The following PDE11A variants were observed in gnomAD, a reference collection of about 807,000 sequenced individuals.
PDE11A encodes phosphodiesterase 11A.
In PDE11A, 100 loss-of-function variants were observed where a neutral mutation model predicts 100.5. The ratio of observed to expected loss-of-function variants is 1.00; its 90% confidence interval spans 0.85 to 1.18. PDE11A has a LOEUF of 1.18. PDE11A is among the 50% of genes most tolerant of loss of function. The pLI, the probability that PDE11A is intolerant of heterozygous loss-of-function variation, is 0.00. For synonymous variants in PDE11A, 381 were observed against 420.8 expected, an observed-to-expected ratio of 0.91 and a Z score of 1.16; for missense variants, 1,141 against 1,152.6, an observed-to-expected ratio of 0.99 and a Z score of 0.15.
In PDE11A at chr2:177,871,525, A is replaced by AATTATT. The variant is rs142275376; in HGVS notation, c.1367+4328_1367+4333dup. ...TGGAAGAAATGATGAGTCAGTAGTA[A>AATTATT]ATTATTATTATTATTATTATTATTA... is the stretch of plus-strand genomic sequence containing the variant. On this transcript the variant is annotated intron_variant, in intron 5 of 19. Transcript: ENST00000286063. Among the ~76,000 whole-genome samples, 530 of 138,248 alleles carry AATTATT rather than the reference A, an allele frequency of 3.8e-3. 1 individual carries two copies. Among genetic ancestry groups the AATTATT allele is most frequent in the East Asian group, 9.2e-3 (44 of 4,806 alleles). The allele number at this position is 138,248 out of a possible 152,430, so 90.7% of individuals were successfully genotyped here. A position where few individuals can be genotyped will look rare whatever the true frequency, so the allele number is the denominator to read the frequency against.
chr2:177,670,455 T>C (rs1054556922), intron 17 of PDE11A, among the ~76,000 whole-genome samples: 3 of 148,752 alleles, frequency 2.0e-5, no homozygotes, highest in African/African-American at 7.3e-5. Flanking sequence ...ACAGATTAAA[T>C]GTTGAATGGC....
chr2:177,972,242 A>C (rs1468311119), intron 2 of PDE11A, among the ~76,000 whole-genome samples: 1 of 152,244 alleles, frequency 6.6e-6, no homozygotes, highest in Non-Finnish European at 1.5e-5. Context: ...AAGGGCATGC[A>C]GGAAAGAGAA....
intron 2 of PDE11A, among the ~76,000 whole-genome samples, chr2:177,958,524 C>T (rs2085593586): frequency 6.6e-6 from 1 of 152,068 alleles, no homozygotes; most frequent in African/African-American, 2.4e-5. Flanking sequence ...TCCCTTGTAA[C>T]CTTAAAGAGA....
At chr2:178,106,957 C>CA (rs575714643) in intron 1 of PDE11A, among the ~76,000 whole-genome samples, 20,941 of 60,422 alleles carry the variant, frequency 0.35, 2,586 homozygotes, top group African/African-American at 0.36. Context: ...AAGACTCTCT[C>CA]AAAAAAAAAA....
At chr2:177,864,110 A>C (rs2083990361) in intron 5 of PDE11A, among the ~76,000 whole-genome samples, 1 of 152,174 alleles carries the variant, frequency 6.6e-6, no homozygotes, top group Non-Finnish European at 1.5e-5. Flanking sequence ...CAGAAAGAAA[A>C]ATATTGCATA....
intron 13 of PDE11A, chr2:177,702,753 C>T (rs1343405211): frequency 5.9e-5 from 9 of 151,938 alleles, no homozygotes; most frequent in African/African-American, 1.7e-4. Flanking sequence ...GGATTAGGTT[C>T]GGTAGGAATT....
At chr2:177,735,570 A>G (rs1424583964) in intron 10 of PDE11A, among the ~76,000 whole-genome samples, 1 of 152,206 alleles carries the variant, frequency 6.6e-6, no homozygotes, top group Non-Finnish European at 1.5e-5. Context: ...ACAGCACTAC[A>G]GAGTAGAGTT....
intron 2 of PDE11A, among the ~76,000 whole-genome samples, chr2:177,984,851 T>G (rs1262216571): frequency 6.6e-6 from 1 of 152,182 alleles, no homozygotes; most frequent in Non-Finnish European, 1.5e-5. Context: ...CTACCAAAGC[T>G]CCCAGCTCGC....
At chr2:177,987,342 A>T (rs1291725882) in intron 2 of PDE11A, among the ~76,000 whole-genome samples, 4 of 152,222 alleles carry the variant, frequency 2.6e-5, no homozygotes, top group Non-Finnish European at 5.9e-5. Context: ...TTGCTAAATC[A>T]AGTATTTTTC....
intron 5 of PDE11A, among the ~76,000 whole-genome samples, chr2:177,841,409 CATGAG>C (rs1180354311): frequency 6.6e-6 from 1 of 152,214 alleles, no homozygotes; most frequent in Admixed American, 6.5e-5. Flanking sequence ...CCCTGGATTT[CATGAG>C]ATGTTAAATG....
At position 177,628,306 on chromosome 2, in the gene PDE11A, T is replaced by G. The variant is rs965129996; in HGVS notation, c.*1101A>C. On this transcript the variant is annotated 3_prime_UTR_variant, in exon 20 of 20. Transcript: ENST00000286063. Reference sequence around the variant, plus strand: ...GGATAACACATACCATGTCCACAATTTCTCAATATAGGGAGCAAAGCAGCT... The same window carrying G: ...GGATAACACATACCATGTCCACAATGTCTCAATATAGGGAGCAAAGCAGCT... 1 of 152,654 alleles carries G rather than the reference T, an allele frequency of 6.6e-6. No individual in the cohort carries two copies. The highest frequency in any genetic ancestry group is 2.4e-5 in the African/African-American group (1 of 41,458). The allele number at this position is 152,654 out of a possible 1,614,324, so 9.5% of individuals were successfully genotyped here.
intron 9 of PDE11A, among the ~76,000 whole-genome samples, chr2:177,774,931 C>T (rs1401406689): frequency 1.3e-5 from 2 of 152,144 alleles, no homozygotes; most frequent in South Asian, 2.1e-4. Context: ...GATGGATTAT[C>T]TTGGATTATC....
intron 2 of PDE11A, among the ~76,000 whole-genome samples, chr2:178,007,356 G>T (rs1157767976): frequency 6.6e-6 from 1 of 152,112 alleles, no homozygotes; most frequent in Non-Finnish European, 1.5e-5. Flanking sequence ...AAATTTTTTT[G>T]TAAACAGTTG....
chr2:177,845,886 G>A (rs932732529), intron 5 of PDE11A, among the ~76,000 whole-genome samples: 1 of 151,746 alleles, frequency 6.6e-6, no homozygotes, highest in Non-Finnish European at 1.5e-5. Context: ...CAGGCGTGGC[G>A]GCGCGTGCCT....
In PDE11A at chr2:177,904,321, A is replaced by G. The variant is rs559365256; in HGVS notation, c.1161+777T>C. On this transcript the variant is annotated intron_variant, in intron 3 of 19. Coordinates refer to ENST00000286063, the MANE Select transcript of PDE11A (RefSeq NM_016953.4). Reference sequence around the variant, plus strand: ...CAGTCTTTGCATTATTGTTCCAAGTATCTAGTGAAGGGCACTTTCAGAAAC... The same window carrying G: ...CAGTCTTTGCATTATTGTTCCAAGTGTCTAGTGAAGGGCACTTTCAGAAAC... Among the ~76,000 whole-genome samples the G allele has an allele frequency of 6.6e-5, 10 of 152,292 alleles. No individual in the cohort carries two copies. In the South Asian group the frequency reaches 1.2e-3, roughly 19 times the overall value.
chr2:177,666,555 C>A lies in PDE11A; in HGVS notation c.2563-2606G>T, dbSNP rs2080587423. On this transcript the variant is annotated intron_variant, in intron 18 of 19. Coordinates refer to ENST00000286063, the MANE Select transcript of PDE11A (RefSeq NM_016953.4). ...CCAATTTTTCCACAGCCTCACCCAA[C>A]ACTTGTTATTGTCTGTCTTTTTTGC... Among the ~76,000 whole-genome samples the A allele has an allele frequency of 2.0e-5, 3 of 152,294 alleles. No individual in the cohort carries two copies. The South Asian group carries it at 6.2e-4, about 32-fold the overall frequency.
At chr2:177,857,694 T>C (rs2083865452) in intron 5 of PDE11A, among the ~76,000 whole-genome samples, 1 of 152,032 alleles carries the variant, frequency 6.6e-6, no homozygotes, top group Non-Finnish European at 1.5e-5. Flanking sequence ...TATCACTAGT[T>C]ACATTAAATG....
chr2:178,007,370 G>T (rs116596657), intron 2 of PDE11A, among the ~76,000 whole-genome samples: 467 of 152,244 alleles, frequency 3.1e-3, no homozygotes, highest in African/African-American at 0.011. Flanking sequence ...ACAGTTGGAT[G>T]GATTATGATA....
chr2:177,821,481 C>A (rs1398697126), intron 6 of PDE11A, among the ~76,000 whole-genome samples: 2 of 151,722 alleles, frequency 1.3e-5, no homozygotes, highest in Non-Finnish European at 3.0e-5. Flanking sequence ...TTCTGATAGG[C>A]ATATACTTAT....
Sources: allele counts gnomAD v4.1 joint callset (sites outside exome capture counted in the v4.1 genomes callset), GRCh38; gene constraint gnomAD v4.1.1; transcripts MANE v1.5; gene names NCBI Gene and HGNC (gene_info 2026-07-23, HGNC 2026-07-21).